GRIN3A: variants seen among roughly 807,000 people sequenced by gnomAD.
The protein encoded by GRIN3A is glutamate receptor ionotropic, NMDA 3A.
In GRIN3A, 47 loss-of-function variants were observed where a neutral mutation model predicts 92.4. The ratio of observed to expected loss-of-function variants is 0.51; its 90% CI spans 0.40 to 0.65. GRIN3A has a LOEUF of 0.65. Among genes scored for constraint, GRIN3A ranks in the 30% least tolerant of loss-of-function variants. GRIN3A has a pLI of 0.00. For missense variants in GRIN3A, 1,324 were observed against 1,393.1 expected (o/e 0.95, Z 0.79); for synonymous variants, 527 against 540.6 (o/e 0.97, Z 0.35).
intron 6 of GRIN3A, among the ~76,000 whole-genome samples, chr9:101,608,988 C>T (rs1828321740): frequency 6.6e-6 from 1 of 152,190 alleles, no homozygotes. Flanking sequence ...TCAAAGTCTG[C>T]AGAGTGAGAG....
At chr9:101,642,007 C>T (rs1828872392) in intron 3 of GRIN3A, among the ~76,000 whole-genome samples, 1 of 151,824 alleles carries the variant, frequency 6.6e-6, no homozygotes, top group Non-Finnish European at 1.5e-5. Context: ...GCAACAGAAC[C>T]CAAATAACCA....
In GRIN3A at chr9:101,738,428, C is replaced by T. The variant is rs1830248217; in HGVS notation, c.-449G>A. 1 of 200,142 alleles carries T rather than the reference C, an allele frequency of 5.0e-6. No homozygotes were observed. Among genetic ancestry groups the T allele is most frequent in the Non-Finnish European group, 1.0e-5 (1 of 100,122 alleles). 12.4% of individuals were successfully genotyped at this position (200,142 alleles called of 1,614,324 possible). A position where few individuals can be genotyped will look rare whatever the true frequency, so the allele number is the denominator to read the frequency against. On this transcript the variant is annotated 5_prime_UTR_variant, in exon 1 of 9. Transcript: ENST00000361820. ...CTTTTCCTTTTCTGCCCAGGCGAGACCCACTTATTTCCTGGGGTCGCGTTG... is the reference window on the plus strand; with the variant it reads ...CTTTTCCTTTTCTGCCCAGGCGAGATCCACTTATTTCCTGGGGTCGCGTTG...
intron 5 of GRIN3A, among the ~76,000 whole-genome samples, 177 bp downstream of exon 5, chr9:101,623,141 T>C (rs1828581200): frequency 6.6e-6 from 1 of 152,182 alleles, no homozygotes; most frequent in Non-Finnish European, 1.5e-5. Flanking sequence ...ATTTGTTGAA[T>C]AGGTGAAAAA....
intron 7 of GRIN3A, 35 bp from the exon 8 acceptor site, chr9:101,577,879 T>G (rs1040846165): frequency 2.0e-5 from 30 of 1,473,378 alleles, no homozygotes; most frequent in Non-Finnish European, 2.4e-5. Flanking sequence ...GTAGAAATTA[T>G]GAGAAACACA....
intron 1 of GRIN3A, among the ~76,000 whole-genome samples, chr9:101,714,026 C>T (rs930302781): frequency 1.3e-5 from 2 of 151,982 alleles, no homozygotes; most frequent in African/African-American, 2.4e-5. Flanking sequence ...GATCCTGTTT[C>T]TGAAAAATAA....
chr9:101,659,212 A>C (rs538303226), intron 3 of GRIN3A, among the ~76,000 whole-genome samples: 2 of 151,920 alleles, frequency 1.3e-5, no homozygotes, highest in Non-Finnish European at 2.9e-5. Context: ...GAACTTTTAA[A>C]ATAATATTAA....
rs758822718 is a variant in GRIN3A at position 101,573,419 on chromosome 9, G to A, written c.3103C>T (p.Gln1035Ter). 1.9e-6 allele frequency: 3 copies of A among 1,614,050 alleles called. No homozygotes were observed. The highest frequency in any genetic ancestry group is 2.2e-5 in the South Asian group (2 of 91,082). Residue 1035 changes from glutamine (Q) to a stop codon, truncating the protein, a stop_gained, in exon 9 of 9, where the codon CAA becomes TAA. Coordinates refer to ENST00000361820, the MANE Select transcript of GRIN3A (RefSeq NM_133445.3). LOFTEE classifies it high-confidence loss of function. The stretch of plus-strand genomic sequence containing the variant: ...TGGATCCGGATGCCCAGCTGGTTTT[G>A]TCCTTCCTCATCACTAAAGATGTAT... Reference protein sequence around the residue: ...RKYIFSDEEGQNQLGIRIHQD... With the variant: ...RKYIFSDEEG
chr9:101,644,040 A>G (rs1828900550), intron 3 of GRIN3A, among the ~76,000 whole-genome samples: 2 of 151,876 alleles, frequency 1.3e-5, no homozygotes, highest in Non-Finnish European at 2.9e-5. Flanking sequence ...TTACTATATC[A>G]AAACAAAAGT....
At chr9:101,614,739 C>T (rs967393736) in intron 5 of GRIN3A, among the ~76,000 whole-genome samples, 2 of 145,266 alleles carry the variant, frequency 1.4e-5, no homozygotes, top group African/African-American at 4.9e-5. Flanking sequence ...CCCGGCTCAG[C>T]CCCCCAAGTA....
chr9:101,595,203 C>T (rs913153029), intron 6 of GRIN3A, among the ~76,000 whole-genome samples: 1 of 151,920 alleles, frequency 6.6e-6, no homozygotes, highest in African/African-American at 2.4e-5. Flanking sequence ...TGGGGGTGCC[C>T]GGGAGAGGCA....
chr9:101,606,955 A>C (rs1828293545), intron 6 of GRIN3A, among the ~76,000 whole-genome samples: 1 of 69,392 alleles, frequency 1.4e-5, no homozygotes, highest in Non-Finnish European at 2.8e-5. Context: ...AAACAAAGGA[A>C]ATTTATACCC....
At chr9:101,732,352 G>GA (rs950499486) in intron 1 of GRIN3A, among the ~76,000 whole-genome samples, 3 of 152,154 alleles carry the variant, frequency 2.0e-5, no homozygotes, top group African/African-American at 7.2e-5. Flanking sequence ...TTTGCCTATA[G>GA]AAAAAACTTA....
At chr9:101,649,187 C>A (rs1410761698) in intron 3 of GRIN3A, among the ~76,000 whole-genome samples, 1 of 152,044 alleles carries the variant, frequency 6.6e-6, no homozygotes, top group African/African-American at 2.4e-5. Flanking sequence ...GGAACTTAAT[C>A]CTTGCCTTAT....
Position 101,670,934 on chromosome 9 carries a change from T to A in GRIN3A, c.1478A>T (p.Tyr493Phe), listed in dbSNP as rs773322226. 7.2e-5 allele frequency: 117 copies of A among 1,613,844 alleles called. No individual in the cohort carries two copies. Among genetic ancestry groups the A allele is most frequent in the Admixed American group, 2.7e-4 (16 of 59,990 alleles). Residue 493 changes from tyrosine to phenylalanine, a missense_variant, in exon 3 of 9, where the codon TAT becomes TTT. Transcript: ENST00000361820. The part of the protein sequence containing the change: ...SWQGGKIVMD[Y>F]GIWPEQAQRH... ...CTGGGCCTGCTCTGGCCATATTCCA[T>A]AGTCCATGACAATCTTTCCCCCCTG... is the stretch of plus-strand genomic sequence containing the variant.
chr9:101,653,834 T>C (rs536885533), intron 3 of GRIN3A, among the ~76,000 whole-genome samples: 22 of 151,958 alleles, frequency 1.4e-4, no homozygotes, highest in African/African-American at 5.3e-4. Flanking sequence ...TAAAACTCTA[T>C]TGTATGTGTA....
intron 3 of GRIN3A, among the ~76,000 whole-genome samples, chr9:101,662,805 T>C (rs1029112992): frequency 2.0e-5 from 3 of 151,864 alleles, no homozygotes; most frequent in Admixed American, 2.0e-4. Flanking sequence ...TAACAAATTT[T>C]TTCTTTTAAC....
chr9:101,669,128 G>T (rs1829280636), intron 3 of GRIN3A, among the ~76,000 whole-genome samples: 1 of 152,066 alleles, frequency 6.6e-6, no homozygotes, highest in Non-Finnish European at 1.5e-5. Flanking sequence ...GGAATGCACT[G>T]CAGCTTCAGA....
rs1266506830 is a variant in GRIN3A at position 101,738,458 on chromosome 9, G to C, written c.-479C>G. The stretch of plus-strand genomic sequence containing the variant: ...TTATTTCCTGGGGTCGCGTTGGAGA[G>C]GGCTTTCACGCCCGGGGTGCGGAAA... On this transcript the variant is annotated 5_prime_UTR_variant, in exon 1 of 9. Coordinates refer to ENST00000361820, the MANE Select transcript of GRIN3A (RefSeq NM_133445.3). 3 of 182,534 alleles carry C rather than the reference G, an allele frequency of 1.6e-5. No individual in the cohort carries two copies. Among genetic ancestry groups the C allele is most frequent in the African/African-American group, 7.2e-5 (3 of 41,660 alleles). 11.3% of individuals were successfully genotyped at this position (182,534 alleles called of 1,614,324 possible).
Position 101,737,194 on chromosome 9 carries a change from T to C in GRIN3A, c.699+87A>G, listed in dbSNP as rs1401610760. The C allele has an allele frequency of 1.2e-5, 13 of 1,109,942 alleles. No individual in the cohort carries two copies. The East Asian group carries it at 1.2e-4, about 10-fold the overall frequency. 68.8% of individuals were successfully genotyped at this position (1,109,942 alleles called of 1,614,324 possible). ...TATAAAGTAACAACTCCCCTCAGACTTTACCAAGCCGTTTTCTCTCCCCTC... is the reference window on the plus strand; with the variant it reads ...TATAAAGTAACAACTCCCCTCAGACCTTACCAAGCCGTTTTCTCTCCCCTC... On this transcript the variant is annotated intron_variant, in intron 1 of 8. Transcript: ENST00000361820.
Sources: gnomAD v4.1 joint callset for allele counts (sites outside exome capture counted in the v4.1 genomes callset) on GRCh38, gnomAD v4.1.1 for gene constraint, MANE v1.5 for transcripts, NCBI Gene and HGNC (gene_info 2026-07-23, HGNC 2026-07-21) for gene names.